The following SLC22A2 variants were observed in gnomAD, a reference collection of about 807,000 sequenced individuals.
The protein encoded by SLC22A2 is organic cation transporter 2.
SLC22A2 carries 46 observed loss-of-function variants against 60.5 expected under a neutral mutation model. The ratio of observed to expected loss-of-function variants is 0.76; its 90% CI spans 0.60 to 0.97. The LOEUF (loss-of-function observed/expected upper bound fraction) is 0.97, where lower values mean the gene tolerates loss of function less well. SLC22A2 is among the 50% of genes least tolerant of loss of function. The pLI is 0.00. For synonymous variants in SLC22A2, 303 were observed against 267.0 expected (o/e 1.13, Z -1.31); for missense variants, 701 against 706.6 (o/e 0.99, Z 0.09).
chr6:160,248,986 T>C (rs1783139716), intron 4 of SLC22A2, among the ~76,000 whole-genome samples: 1 of 152,146 alleles, frequency 6.6e-6, no homozygotes, highest in South Asian at 2.1e-4. Context: ...AAATGTAAGA[T>C]CCAAGTCATA....
Position 160,250,678 on chromosome 6 carries a change from TAGG to T in SLC22A2, c.540_542del (p.Leu181del). The T allele has an allele frequency of 6.2e-7, 1 of 1,614,002 alleles. No individual in the cohort carries two copies. Among genetic ancestry groups the T allele is most frequent in the Non-Finnish European group, 8.5e-7 (1 of 1,179,950 alleles). On this transcript the variant is annotated inframe_deletion, in exon 3 of 11. Transcript: ENST00000366953. ...CTGCAGCATTTATGAGGACTGTAGTTAGGAGGCAGAGCTTACGGCCAAACCTGC... is the reference window on the plus strand; with the variant it reads ...CTGCAGCATTTATGAGGACTGTAGTTAGGCAGAGCTTACGGCCAAACCTGC...
intron 4 of SLC22A2, among the ~76,000 whole-genome samples, chr6:160,247,777 C>T (rs1783119069): frequency 6.6e-6 from 1 of 152,130 alleles, no homozygotes; most frequent in African/African-American, 2.4e-5. Flanking sequence ...TAGCAGGGCT[C>T]GGGGAGCCCT....
rs141150244 is a variant in SLC22A2 at position 160,228,765 on chromosome 6, T to A, written c.1502-3961A>T. ...AAAAGAAGTGAAAATGGCCTGTTCC[T>A]GACTTAACTGATGACATTACCTTGT... On this transcript the variant is annotated intron_variant, in intron 9 of 10. Coordinates refer to ENST00000366953, the MANE Select transcript of SLC22A2 (RefSeq NM_003058.4). Among the ~76,000 whole-genome samples the A allele has an allele frequency of 7.4e-3, 1,132 of 152,068 alleles. 25 individuals carry two copies. Among genetic ancestry groups the A allele is most frequent in the African/African-American group, 0.026 (1,090 of 41,320 alleles).
At chr6:160,245,651 G>T in intron 5 of SLC22A2, 106 bp from the exon 6 acceptor site, 1 of 544,302 alleles carries the variant, frequency 1.8e-6, no homozygotes, top group Non-Finnish European at 3.2e-6. Context: ...CCCATCTCAT[G>T]CCCAGCACTA....
At chr6:160,225,889 G>A (rs1002261904) in intron 9 of SLC22A2, among the ~76,000 whole-genome samples, 1 of 152,086 alleles carries the variant, frequency 6.6e-6, no homozygotes, top group Non-Finnish European at 1.5e-5. Context: ...GTCATTCTTG[G>A]GTATAGGCTG....
rs751886050 is a variant in SLC22A2 at position 160,249,289 on chromosome 6, A to C, written c.769T>G (p.Tyr257Asp). ...AACCACCTCCAGTGAGGAAGTGCGT[A>C]AGCCACCCCAGCTAGCACCAGGAGC... is the stretch of plus-strand genomic sequence containing the variant. ...VGLLVLAGVA[Y>D]ALPHWRWLQF... The change falls in exon 4 of 11, where the codon TAC becomes GAC. Residue 257 changes from tyrosine to aspartate, a missense_variant. Physicochemically the swap from Tyr to Asp is radical, Grantham distance 160 (BLOSUM62 -3). Coordinates refer to ENST00000366953, the MANE Select transcript of SLC22A2 (RefSeq NM_003058.4). 6.2e-7 allele frequency: 1 copy of C among 1,613,358 alleles called. No individual in the cohort carries two copies. Among genetic ancestry groups the C allele is most frequent in the South Asian group, 1.1e-5 (1 of 91,024 alleles).
intron 9 of SLC22A2, 115 bp downstream of exon 9, chr6:160,241,359 G>A (rs1782997349): frequency 1.5e-6 from 1 of 655,914 alleles, no homozygotes; most frequent in Non-Finnish European, 2.7e-6. Flanking sequence ...ACTACTATGA[G>A]TAGTAATTAG....
intron 8 of SLC22A2, among the ~76,000 whole-genome samples, chr6:160,241,888 TA>T (rs1783009864): frequency 6.6e-6 from 1 of 152,014 alleles, no homozygotes. Context: ...TATATATATA[TA>T]TATATACATA....
intron 9 of SLC22A2, among the ~76,000 whole-genome samples, chr6:160,229,621 C>T (rs1379664391): frequency 1.3e-5 from 2 of 151,676 alleles, no homozygotes; most frequent in Admixed American, 6.6e-5. Flanking sequence ...CCTCCCACCC[C>T]TTTTACACTT....
chr6:160,243,043 C>T (rs1002948701), intron 7 of SLC22A2, among the ~76,000 whole-genome samples: 1 of 152,146 alleles, frequency 6.6e-6, no homozygotes, highest in Admixed American at 6.5e-5. Flanking sequence ...CACATTTAAA[C>T]AACTGCTAAT....
At chr6:160,234,735 A>G (rs1782883655) in intron 9 of SLC22A2, among the ~76,000 whole-genome samples, 1 of 152,236 alleles carries the variant, frequency 6.6e-6, no homozygotes, top group Admixed American at 6.5e-5. Context: ...CAGTTAAAAG[A>G]CTTTGCAAGC....
chr6:160,258,378 A>C lies in SLC22A2; in HGVS notation c.380T>G (p.Val127Gly), dbSNP rs202062657. The change falls in exon 1 of 11, where the codon GTG becomes GGG. Residue 127 changes from valine (V) to glycine (G), a missense_variant. Physicochemically the swap from Val to Gly is moderately radical, Grantham distance 109 (BLOSUM62 -3). Transcript: ENST00000366953. ...LPLGPCRDGW[V>G]YETPGSSIVT... Reference sequence around the variant, plus strand: ...GATGGACGAGCCAGGCGTCTCGTACACCCAGCCGTCCCGGCAGGGGCCCAG... The same window carrying C: ...GATGGACGAGCCAGGCGTCTCGTACCCCCAGCCGTCCCGGCAGGGGCCCAG... 1 of 1,613,314 alleles carries C rather than the reference A, an allele frequency of 6.2e-7. No individual in the cohort carries two copies.
intron 9 of SLC22A2, among the ~76,000 whole-genome samples, chr6:160,236,706 C>G (rs1782917489): frequency 2.0e-5 from 3 of 152,148 alleles, no homozygotes; most frequent in Admixed American, 2.0e-4. Context: ...CATACCTTGT[C>G]TACATAGTCC....
intron 4 of SLC22A2, among the ~76,000 whole-genome samples, chr6:160,248,133 C>T (rs1304494743): frequency 1.3e-5 from 2 of 152,292 alleles, no homozygotes; most frequent in Non-Finnish European, 2.9e-5. Flanking sequence ...ATGCCCTCAC[C>T]CCCAGTGTGC....
intron 8 of SLC22A2, among the ~76,000 whole-genome samples, 166 bp downstream of exon 8, chr6:160,242,128 T>C (rs760974366): frequency 6.6e-6 from 1 of 152,180 alleles, no homozygotes; most frequent in Admixed American, 6.5e-5. Context: ...CCCCAGCCTG[T>C]AAGTGTGAGA....
intron 2 of SLC22A2, among the ~76,000 whole-genome samples, chr6:160,255,071 G>A (rs559199514): frequency 1.8e-4 from 28 of 152,282 alleles, no homozygotes; most frequent in African/African-American, 4.8e-5. Context: ...GGTGGACTCC[G>A]GACCTCCCCT....
intron 4 of SLC22A2, 66 bp from the exon 5 acceptor site, chr6:160,247,364 TA>T: frequency 3.6e-6 from 3 of 836,406 alleles, no homozygotes; most frequent in Non-Finnish European, 4.1e-6. Context: ...CCCATTTTTT[TA>T]TAATCAGATT....
chr6:160,222,782 C>T (rs1782664206), intron 10 of SLC22A2, among the ~76,000 whole-genome samples: 1 of 152,156 alleles, frequency 6.6e-6, no homozygotes, highest in African/African-American at 2.4e-5. Flanking sequence ...CTTGAGAAAG[C>T]CAAGCGATCA....
In SLC22A2 at chr6:160,258,605, G is replaced by T; in HGVS notation, c.153C>A (p.Cys51Ter). 6.2e-7 allele frequency: 1 copy of T among 1,614,020 alleles called. No homozygotes were observed. The highest frequency in any genetic ancestry group is 8.5e-7 in the Non-Finnish European group (1 of 1,179,956). Reference protein sequence around the residue: ...VFLGFTPDHRCRSPGVAELSL... With the variant: ...VFLGFTPDHR The stretch of plus-strand genomic sequence containing the variant: ...TCAGCTCGGCCACTCCGGGGCTCCG[G>T]CAGCGGTGGTCAGGGGTGAAGCCCA... The change falls in exon 1 of 11, where the codon TGC becomes TGA. Residue 51 changes from cysteine to a stop codon, truncating the protein, a stop_gained. Transcript: ENST00000366953. LOFTEE classifies it high-confidence loss of function.
Sources: allele counts gnomAD v4.1 joint callset (sites outside exome capture counted in the v4.1 genomes callset), GRCh38; gene constraint gnomAD v4.1.1; transcripts MANE v1.5; gene names NCBI Gene and HGNC (gene_info 2026-07-23, HGNC 2026-07-21).